The following RPS6KA5 variants were observed in gnomAD, a reference collection of about 807,000 sequenced individuals.
RPS6KA5 encodes ribosomal protein S6 kinase A5, also known as ribosomal protein S6 kinase alpha-5.
A neutral mutation model predicts 85.5 loss-of-function variants in RPS6KA5; 27 were observed. The observed-to-expected ratio is 0.32, with a 90% CI of 0.23 to 0.44. RPS6KA5 has a LOEUF of 0.44. Ranked by LOEUF, RPS6KA5 falls within the 20% of genes least tolerant of loss-of-function variation. The pLI, the probability that RPS6KA5 is intolerant of heterozygous loss-of-function variation, is 1.00. For missense variants in RPS6KA5, 811 were observed against 980.9 expected, an observed-to-expected ratio of 0.83 and a Z score of 2.31; for synonymous variants, 334 against 348.2, an observed-to-expected ratio of 0.96 and a Z score of 0.46.
At position 90,891,521 on chromosome 14, in the gene RPS6KA5, A is replaced by T. The variant is rs536143464; in HGVS notation, c.1645-843T>A. 5.9e-5 allele frequency among the ~76,000 whole-genome samples: 9 copies of T among 152,206 alleles called. No homozygotes were observed. In the South Asian group the frequency reaches 1.9e-3, roughly 32 times the overall value. Reference sequence around the variant, plus strand: ...TAGTACTGAAAGTAAGTGAAATCTGATTATATCGTCTTTAGGCATCCTAAC... The same window carrying T: ...TAGTACTGAAAGTAAGTGAAATCTGTTTATATCGTCTTTAGGCATCCTAAC... On this transcript the variant is annotated intron_variant, in intron 13 of 16. Coordinates refer to ENST00000614987, the MANE Select transcript of RPS6KA5 (RefSeq NM_004755.4).
chr14:90,998,633 G>T (rs1342063691), intron 2 of RPS6KA5, among the ~76,000 whole-genome samples: 3 of 152,164 alleles, frequency 2.0e-5, no homozygotes, highest in Admixed American at 2.0e-4. Context: ...TTGAAAGCAT[G>T]ATTTCTTAGG....
chr14:91,060,147 C>T, intron 1 of RPS6KA5, 185 bp downstream of exon 1: 1 of 983,346 alleles, frequency 1.0e-6, no homozygotes, highest in African/African-American at 1.7e-5. Context: ...CGGCCGCCTC[C>T]CCCAAGGCGC....
At chr14:90,901,127 T>C (rs765251474) in intron 9 of RPS6KA5, among the ~76,000 whole-genome samples, 2 of 152,128 alleles carry the variant, frequency 1.3e-5, no homozygotes, top group Non-Finnish European at 2.9e-5. Flanking sequence ...TTTTTTGAGA[T>C]TGAGTCTGGC....
chr14:90,896,352 C>G (rs2034834672), intron 12 of RPS6KA5, among the ~76,000 whole-genome samples: 1 of 152,130 alleles, frequency 6.6e-6, no homozygotes, highest in Non-Finnish European at 1.5e-5. Flanking sequence ...CTTATTAATT[C>G]TAGGATCCTT....
At chr14:90,981,001 G>C (rs991456225) in intron 2 of RPS6KA5, among the ~76,000 whole-genome samples, 1 of 152,054 alleles carries the variant, frequency 6.6e-6, no homozygotes, top group Non-Finnish European at 1.5e-5. Context: ...GAGAAACCCT[G>C]TCTCTACTGA....
chr14:90,993,620 T>G (rs2040397414), intron 2 of RPS6KA5, among the ~76,000 whole-genome samples: 1 of 152,244 alleles, frequency 6.6e-6, no homozygotes. Flanking sequence ...GGGTTGCTGT[T>G]GTAAAGTCCA....
intron 1 of RPS6KA5, among the ~76,000 whole-genome samples, chr14:91,052,693 C>T (rs983275553): frequency 2.0e-5 from 3 of 146,992 alleles, no homozygotes; most frequent in Admixed American, 1.4e-4. Context: ...GTTAGCTGGG[C>T]GTGGTGGCAG....
chr14:90,970,454 C>T (rs563540800), intron 3 of RPS6KA5, among the ~76,000 whole-genome samples: 1 of 152,308 alleles, frequency 6.6e-6, no homozygotes, highest in East Asian at 1.9e-4. Flanking sequence ...GATCACAAAA[C>T]TGTCTACAAG....
At chr14:90,995,740 C>T (rs1240478419) in intron 2 of RPS6KA5, among the ~76,000 whole-genome samples, 2 of 152,052 alleles carry the variant, frequency 1.3e-5, no homozygotes, top group Admixed American at 1.3e-4. Flanking sequence ...TGCATAGATA[C>T]CTGGCAAGAG....
intron 1 of RPS6KA5, among the ~76,000 whole-genome samples, chr14:91,037,524 C>A (rs576858318): frequency 3.9e-5 from 6 of 152,322 alleles, no homozygotes; most frequent in Admixed American, 3.9e-4. Context: ...TTCTTAATTA[C>A]CTTGGTGAAT....
chr14:90,923,676 G>C (rs1468138948), intron 5 of RPS6KA5, among the ~76,000 whole-genome samples: 2 of 151,692 alleles, frequency 1.3e-5, no homozygotes, highest in Non-Finnish European at 2.9e-5. Context: ...ATTCTAAGAG[G>C]GGGAATAATA....
intron 3 of RPS6KA5, among the ~76,000 whole-genome samples, chr14:90,960,498 A>G (rs2038742749): frequency 6.6e-6 from 1 of 152,180 alleles, no homozygotes; most frequent in South Asian, 2.1e-4. Flanking sequence ...ATCTGAAAGG[A>G]GGAGTCTTCT....
At chr14:90,946,747 A>G (rs1265160629) in intron 4 of RPS6KA5, among the ~76,000 whole-genome samples, 5 of 152,182 alleles carry the variant, frequency 3.3e-5, no homozygotes, top group Admixed American at 3.3e-4. Context: ...CTACATAATG[A>G]CTGCTTCTAC....
rs539391528 is a variant in RPS6KA5 at position 91,000,943 on chromosome 14, G to C, written c.175+145C>G. On this transcript the variant is annotated intron_variant, in intron 2 of 16. Coordinates refer to ENST00000614987, the MANE Select transcript of RPS6KA5 (RefSeq NM_004755.4). ...TTTTGCCTTTTGTGCTTCTATGAATGGTCTGTTCATGTTCTTTGACAGTTC... is the reference window on the plus strand; with the variant it reads ...TTTTGCCTTTTGTGCTTCTATGAATCGTCTGTTCATGTTCTTTGACAGTTC... 1.2e-3 allele frequency: 610 copies of C among 503,084 alleles called. 1 individual carries two copies. Among genetic ancestry groups the C allele is most frequent in the Non-Finnish European group, 1.8e-3 (503 of 283,150 alleles). 31.2% of individuals were successfully genotyped at this position (503,084 alleles called of 1,614,324 possible).
rs1437656761 is a variant in RPS6KA5, at chr14:90,848,718, C to T, written c.*23356G>A. ...ATCTCATTACATGCCAGCTGAGTGA[C>T]TTGCAAAGGTTTGCCCCAGAAGGGC... On this transcript the variant is annotated 3_prime_UTR_variant, in exon 17 of 17. Coordinates refer to ENST00000614987, the MANE Select transcript of RPS6KA5 (RefSeq NM_004755.4). The T allele has an allele frequency of 1.3e-5, 2 of 152,148 alleles. No individual in the cohort carries two copies. The highest frequency in any genetic ancestry group is 3.9e-4 in the East Asian group (2 of 5,192). The allele number at this position is 152,148 out of a possible 1,614,324, so 9.4% of individuals were successfully genotyped here. A position where few individuals can be genotyped will look rare whatever the true frequency, so the allele number is the denominator to read the frequency against.
chr14:91,020,190 G>GGGGT (rs990494785), intron 1 of RPS6KA5, among the ~76,000 whole-genome samples: 20 of 149,872 alleles, frequency 1.3e-4, no homozygotes, highest in African/African-American at 4.9e-4. Flanking sequence ...TGTTTATGTG[G>GGGGT]GTGTGTGTGT....
intron 10 of RPS6KA5, 85 bp downstream of exon 10, chr14:90,900,526 T>C (rs916857908): frequency 2.9e-6 from 4 of 1,369,532 alleles, no homozygotes; most frequent in Non-Finnish European, 3.9e-6. Flanking sequence ...GTTGAATTAC[T>C]AGACTTAAGA....
chr14:90,960,258 A>C (rs967739328), intron 3 of RPS6KA5, among the ~76,000 whole-genome samples: 2 of 152,090 alleles, frequency 1.3e-5, no homozygotes, highest in Non-Finnish European at 2.9e-5. Context: ...AGATCTATCA[A>C]CTCTGTTAGG....
chr14:90,960,696 T>G (rs973208428), intron 3 of RPS6KA5, among the ~76,000 whole-genome samples: 1 of 152,344 alleles, frequency 6.6e-6, no homozygotes, highest in South Asian at 2.1e-4. Flanking sequence ...CCATGCCAGC[T>G]TATCTACCCT....
Sources: gnomAD v4.1 joint callset for allele counts (sites outside exome capture counted in the v4.1 genomes callset) on GRCh38, gnomAD v4.1.1 for gene constraint, MANE v1.5 for transcripts, NCBI Gene and HGNC (gene_info 2026-07-23, HGNC 2026-07-21) for gene names.